HNRNPA3: variants seen among roughly 807,000 people sequenced by gnomAD.
HNRNPA3 encodes epididymis secretory sperm binding protein.
In HNRNPA3, 3 loss-of-function variants were observed where a neutral mutation model predicts 45.8. The ratio of observed to expected loss-of-function variants is 0.07; its 90% CI spans 0.03 to 0.17. The LOEUF (loss-of-function observed/expected upper bound fraction) is 0.17, where lower values mean the gene tolerates loss of function less well. Ranked by LOEUF, HNRNPA3 falls within the 10% of genes least tolerant of loss-of-function variation. The probability of loss-of-function intolerance (pLI) is 1.00; values close to 1 mark genes in which losing one functional copy is unlikely to be tolerated. For missense variants in HNRNPA3, 183 were observed against 480.3 expected, an observed-to-expected ratio of 0.38 and a Z score of 5.79; for synonymous variants, 170 against 155.6, an observed-to-expected ratio of 1.09 and a Z score of -0.69.
At chr2:177,214,268 C>T (rs947274020) in intron 1 of HNRNPA3, among the ~76,000 whole-genome samples, 4 of 152,200 alleles carry the variant, frequency 2.6e-5, no homozygotes, top group African/African-American at 7.2e-5. Context: ...GTAAGTCCAA[C>T]TTGCCAGTTA....
At chr2:177,223,315 T>C (rs1239562379), downstream of HNRNPA3, 2 of 152,160 alleles carry the variant, frequency 1.3e-5, no homozygotes, top group Non-Finnish European at 2.9e-5. Flanking sequence ...TTTATTTCTT[T>C]TTATGAAATA....
chr2:177,218,052 C>CTTTTTTTTTTTTTTTTTT lies in HNRNPA3; in HGVS notation c.961+217_961+234dup, dbSNP rs58476089. On this transcript the variant is annotated intron_variant, in intron 8 of 10. Transcript: ENST00000392524. ...ACAAATGTACTCAGCTCTCTTTTTT[C>CTTTTTTTTTTTTTTTTTT]TTTTTTTTTTTTTTTTTTTTTTTTT... 4.1e-4 allele frequency among the ~76,000 whole-genome samples: 42 copies of CTTTTTTTTTTTTTTTTTT among 102,164 alleles called. 2 individuals are homozygous for CTTTTTTTTTTTTTTTTTT. The highest frequency in any genetic ancestry group is 1.5e-3 in the African/African-American group (38 of 25,038). 67.0% of individuals were successfully genotyped at this position (102,164 alleles called of 152,430 possible). A position where few individuals can be genotyped will look rare whatever the true frequency, so the allele number is the denominator to read the frequency against.
intron 3 of HNRNPA3, 40 bp from the exon 4 acceptor site, chr2:177,215,938 A>G (rs966133467): frequency 6.3e-7 from 1 of 1,596,590 alleles, no homozygotes. Flanking sequence ...AATTGTTGTG[A>G]AAGTTTGTTT....
chr2:177,218,481 T>G (rs1273216337), intron 8 of HNRNPA3, among the ~76,000 whole-genome samples: 3 of 152,232 alleles, frequency 2.0e-5, no homozygotes, highest in African/African-American at 7.2e-5. Context: ...AACTCCTTGG[T>G]ACTTTTAAAC....
In HNRNPA3 at chr2:177,216,939, TGGTA is replaced by T. The variant is rs1283424863; in HGVS notation, c.820+3_820+6del. On this transcript the variant is annotated splice_donor_variant and splice_donor_region_variant and coding_sequence_variant and intron_variant, in exon 7 of 11. Coordinates refer to ENST00000392524, the Ensembl canonical transcript of HNRNPA3. LOFTEE classifies it high-confidence loss of function. ...GTGGATATAATGGATTTGGAGGTGA[TGGTA>T]GGTGGCTTATTTTCATTGATGTTTG... The T allele has an allele frequency of 1.3e-6, 2 of 1,536,410 alleles. No homozygotes were observed. Among genetic ancestry groups the T allele is most frequent in the East Asian group, 4.6e-5 (2 of 43,328 alleles).
At chr2:177,222,833 A>G (rs896178911), downstream of HNRNPA3, 5 of 152,658 alleles carry the variant, frequency 3.3e-5, no homozygotes, top group African/African-American at 1.2e-4. Flanking sequence ...AAGTGGCCTC[A>G]TAAGTTGTCT....
In HNRNPA3 at chr2:177,215,471, A is replaced by T. The variant is rs55860280; in HGVS notation, c.73-68A>T. 3.3e-3 allele frequency: 4,845 copies of T among 1,476,552 alleles called. 124 individuals are homozygous for T. The African/African-American group carries it at 0.058, about 18-fold the overall frequency. 91.5% of individuals were successfully genotyped at this position (1,476,552 alleles called of 1,614,324 possible). Reference sequence around the variant, plus strand: ...TTGATTTTATTACTTACCGTACATTAAAGGCTCTTCGTGCATCTTAATTCA... The same window carrying T: ...TTGATTTTATTACTTACCGTACATTTAAGGCTCTTCGTGCATCTTAATTCA... On this transcript the variant is annotated intron_variant, in intron 1 of 10. Transcript: ENST00000392524.
chr2:177,215,038 A>T (rs969860433), intron 1 of HNRNPA3, among the ~76,000 whole-genome samples: 2 of 152,198 alleles, frequency 1.3e-5, no homozygotes, highest in Non-Finnish European at 2.9e-5. Context: ...AAGGCTGGTT[A>T]TAGGTTTCCT....
exon 5 of HNRNPA3, chr2:177,216,573 G>T (rs1452631584): frequency 1.4e-5 from 23 of 1,613,836 alleles, no homozygotes; most frequent in Non-Finnish European, 1.9e-5. Context: ...AAGAGATGCA[G>T]TCTGCTGGAT....
downstream of HNRNPA3, chr2:177,220,220 C>G (rs188233157): frequency 6.6e-6 from 1 of 152,598 alleles, no homozygotes; most frequent in Non-Finnish European, 1.5e-5. Context: ...TTTAGAACAT[C>G]TCTATTCTAC....
At chr2:177,223,801 T>C (rs1489692987), downstream of HNRNPA3, 4 of 152,258 alleles carry the variant, frequency 2.6e-5, no homozygotes, top group African/African-American at 9.6e-5. Flanking sequence ...TCATTTGTAG[T>C]ATAATGAAAT....
intron 7 of HNRNPA3, 111 bp from the exon 8 acceptor site, chr2:177,217,594 T>C: frequency 7.4e-7 from 1 of 1,349,832 alleles, no homozygotes; most frequent in Non-Finnish European, 1.1e-6. Flanking sequence ...ACCACTGTAC[T>C]TGAGCCCGGG....
chr2:177,216,869 G>A (rs2105431331), exon 7 of HNRNPA3: 1 of 1,609,836 alleles, frequency 6.2e-7, no homozygotes, highest in Non-Finnish European at 8.5e-7. Context: ...GGAGGCTATG[G>A]TGGTGGAGGT....
chr2:177,218,052 C>CTTTT lies in HNRNPA3; in HGVS notation c.961+231_961+234dup, dbSNP rs58476089. The stretch of plus-strand genomic sequence containing the variant: ...ACAAATGTACTCAGCTCTCTTTTTT[C>CTTTT]TTTTTTTTTTTTTTTTTTTTTTTTT... On this transcript the variant is annotated intron_variant, in intron 8 of 10. Coordinates refer to ENST00000392524, the Ensembl canonical transcript of HNRNPA3. Among the ~76,000 whole-genome samples, 334 of 102,134 alleles carry CTTTT rather than the reference C, an allele frequency of 3.3e-3. 21 individuals are homozygous for CTTTT. The highest frequency in any genetic ancestry group is 3.9e-3 in the Non-Finnish European group (198 of 51,374). The allele number at this position is 102,134 out of a possible 152,430, so 67.0% of individuals were successfully genotyped here. A position where few individuals can be genotyped will look rare whatever the true frequency, so the allele number is the denominator to read the frequency against.
chr2:177,218,999 G>A, intron 8 of HNRNPA3, 38 bp from the exon 9 acceptor site: 1 of 1,606,116 alleles, frequency 6.2e-7, no homozygotes, highest in Non-Finnish European at 8.5e-7. Flanking sequence ...AATGATGATT[G>A]TGTAGGTAAA....
At chr2:177,219,877 A>G (rs1689115749) in exon 11 of HNRNPA3, 1 of 152,694 alleles carries the variant, frequency 6.5e-6, no homozygotes, top group Non-Finnish European at 1.5e-5. Context: ...AAAGAAGATC[A>G]TTGTTAATTA....
rs190377576 is a variant in HNRNPA3 at position 177,217,070 on chromosome 2, A to T, written c.820+130A>T. 12 of 973,456 alleles carry T rather than the reference A, an allele frequency of 1.2e-5. No homozygotes were observed. The Admixed American group carries it at 3.9e-4, about 31-fold the overall frequency. 60.3% of individuals were successfully genotyped at this position (973,456 alleles called of 1,614,324 possible). ...TGGTTAAGGTGTATTTCCAAACTGT[A>T]CATGGAAGAACAGGAACCCTTTTTC... On this transcript the variant is annotated intron_variant, in intron 7 of 10. Coordinates refer to ENST00000392524, the Ensembl canonical transcript of HNRNPA3.
chr2:177,213,132 C>T (rs1012148475), intron 1 of HNRNPA3, among the ~76,000 whole-genome samples: 1 of 151,864 alleles, frequency 6.6e-6, no homozygotes, highest in African/African-American at 2.4e-5. Context: ...GGCCTGCCGG[C>T]TGCGCGGCCT....
exon 4 of HNRNPA3, chr2:177,216,115 C>T (rs746120227): frequency 6.4e-7 from 1 of 1,562,578 alleles, no homozygotes; most frequent in Non-Finnish European, 8.7e-7. Flanking sequence ...TTATGGAAGA[C>T]AGGCAGAGTG....
Sources: allele counts gnomAD v4.1 joint callset (sites outside exome capture counted in the v4.1 genomes callset), GRCh38; gene constraint gnomAD v4.1.1; transcripts MANE v1.5; gene names NCBI Gene and HGNC (gene_info 2026-07-23, HGNC 2026-07-21).